Variants in ZNF730 observed in about 807,000 individuals in gnomAD.
ZNF730 encodes zinc finger protein 730.
ZNF730 carries 12 observed loss-of-function variants against 12.6 expected under a neutral mutation model. That is an observed-to-expected ratio of 0.95 (90% CI 0.61 to 1.54). The LOEUF is 1.54. Among genes scored for constraint, ZNF730 ranks in the 40% most tolerant of loss-of-function variants. The pLI, the probability that ZNF730 is intolerant of heterozygous loss-of-function variation, is 0.00. For synonymous variants in ZNF730, 194 were observed against 195.8 expected (o/e 0.99, Z 0.08); for missense variants, 643 against 583.5 (o/e 1.10, Z -1.05).
intron 1 of ZNF730, among the ~76,000 whole-genome samples, chr19:23,110,620 C>A (rs1231246853): frequency 1.3e-5 from 2 of 152,122 alleles, no homozygotes; most frequent in Non-Finnish European, 2.9e-5. Flanking sequence ...AGTTAATGGT[C>A]TAATTCTAAT....
chr19:23,079,997 G>A (rs143770497), intron 1 of ZNF730, among the ~76,000 whole-genome samples: 2 of 152,118 alleles, frequency 1.3e-5, no homozygotes, highest in Non-Finnish European at 2.9e-5. Flanking sequence ...CCAGGCTGGA[G>A]TGCAGTGGCG....
Position 23,146,484 on chromosome 19 carries a change from C to A in ZNF730, c.1440C>A (p.Tyr480Ter). 1.2e-6 allele frequency: 2 copies of A among 1,604,446 alleles called. No individual in the cohort carries two copies. The highest frequency in any genetic ancestry group is 1.7e-6 in the Non-Finnish European group (2 of 1,176,576). ...TAATTCATTCTGGGGAAAAAATCTA[C>A]AAATGTAAAGAATGTGGTAAAGCCT... Reference protein sequence around the residue: ...HKIIHSGEKIYKCKECGKAFR... With the variant: ...HKIIHSGEKI The change falls in exon 4 of 4, where the codon TAC (tyrosine) becomes TAA (stop). Residue 480 changes from tyrosine to a stop codon, truncating the protein, a stop_gained. Transcript: ENST00000597761. LOFTEE classifies it low-confidence loss of function (END_TRUNC).
chr19:23,105,118 C>CT (rs1007819236), intron 1 of ZNF730, among the ~76,000 whole-genome samples: 3,057 of 87,706 alleles, frequency 0.035, 105 homozygotes, highest in African/African-American at 0.077. Context: ...TTTTTCTTTT[C>CT]TTTTTTTTTT....
chr19:23,145,181 G>C (rs1970984052), intron 3 of ZNF730, 90 bp from the exon 4 acceptor site: 1 of 897,508 alleles, frequency 1.1e-6, no homozygotes, highest in Non-Finnish European at 1.6e-6. Flanking sequence ...ATGCTATCTT[G>C]TTATGTAGTT....
At chr19:23,082,957 C>T (rs940535212) in intron 1 of ZNF730, among the ~76,000 whole-genome samples, 4 of 152,088 alleles carry the variant, frequency 2.6e-5, no homozygotes, top group African/African-American at 9.7e-5. Flanking sequence ...CCTCAGGCTT[C>T]GAAAGTGCTG....
intron 1 of ZNF730, among the ~76,000 whole-genome samples, chr19:23,130,086 G>A (rs1156300211): frequency 2.0e-5 from 3 of 152,004 alleles, no homozygotes; most frequent in African/African-American, 7.2e-5. Context: ...GCCAGGGGTG[G>A]AATGATATGG....
At chr19:23,085,359 C>CT (rs1970040549) in intron 1 of ZNF730, among the ~76,000 whole-genome samples, 1 of 52,586 alleles carries the variant, frequency 1.9e-5, no homozygotes, top group Non-Finnish European at 3.6e-5. Flanking sequence ...TCTTTTTTTG[C>CT]TTTTTTTCTT....
chr19:23,110,673 T>C (rs1970451256), intron 1 of ZNF730, among the ~76,000 whole-genome samples: 2 of 152,150 alleles, frequency 1.3e-5, no homozygotes, highest in Non-Finnish European at 2.9e-5. Flanking sequence ...TTGTAAAATA[T>C]AGTGTCTTTA....
intron 1 of ZNF730, chr19:23,123,873 C>A (rs928387399): frequency 6.5e-6 from 1 of 153,866 alleles, no homozygotes; most frequent in African/African-American, 2.4e-5. Flanking sequence ...ATCCCATGGT[C>A]TCTGTGAATG....
At chr19:23,102,490 T>A (rs74798912) in intron 1 of ZNF730, among the ~76,000 whole-genome samples, 8 of 151,058 alleles carry the variant, frequency 5.3e-5, no homozygotes, top group Admixed American at 2.0e-4. Context: ...TTTTTTTTTT[T>A]ATTTTATTTA....
intron 1 of ZNF730, among the ~76,000 whole-genome samples, chr19:23,106,875 A>C (rs902201567): frequency 1.3e-5 from 2 of 152,036 alleles, no homozygotes; most frequent in African/African-American, 4.8e-5. Flanking sequence ...ATACTGCAAG[A>C]GTCAAAAACT....
intron 1 of ZNF730, chr19:23,098,352 CTCT>C (rs1435660730): frequency 6.6e-6 from 1 of 152,092 alleles, no homozygotes; most frequent in Non-Finnish European, 1.5e-5. Context: ...TATGTGAATC[CTCT>C]TCTTCCCAGA....
intron 1 of ZNF730, among the ~76,000 whole-genome samples, chr19:23,132,604 G>T (rs1174962645): frequency 1.3e-5 from 2 of 151,196 alleles, no homozygotes; most frequent in Admixed American, 6.6e-5. Flanking sequence ...TTCCCTTTGT[G>T]GCTGTTGAAC....
At chr19:23,102,489 T>A (rs981488458) in intron 1 of ZNF730, among the ~76,000 whole-genome samples, 2 of 151,736 alleles carry the variant, frequency 1.3e-5, no homozygotes, top group African/African-American at 4.8e-5. Flanking sequence ...TTTTTTTTTT[T>A]TATTTTATTT....
intron 1 of ZNF730, among the ~76,000 whole-genome samples, chr19:23,093,793 A>G (rs1442220800): frequency 1.3e-5 from 2 of 152,074 alleles, no homozygotes; most frequent in African/African-American, 4.8e-5. Context: ...TGATCAACAG[A>G]CGGGGTCAGG....
chr19:23,118,364 T>TTG (rs1970558629), intron 1 of ZNF730, among the ~76,000 whole-genome samples: 1 of 126,768 alleles, frequency 7.9e-6, no homozygotes, highest in Non-Finnish European at 1.6e-5. Context: ...AGTTTGTTTT[T>TTG]TGTTTTTTTT....
At chr19:23,123,751 T>C (rs1267917107) in intron 1 of ZNF730, 1 of 152,350 alleles carries the variant, frequency 6.6e-6, no homozygotes, top group African/African-American at 2.4e-5. Flanking sequence ...CTAATCTGAG[T>C]TTTTTCTTAA....
At chr19:23,122,497 T>C (rs1395185109) in intron 1 of ZNF730, among the ~76,000 whole-genome samples, 1 of 152,186 alleles carries the variant, frequency 6.6e-6, no homozygotes, top group Non-Finnish European at 1.5e-5. Flanking sequence ...TAAGATTAAA[T>C]TTAGCAACAC....
In ZNF730 at chr19:23,146,144, C is replaced by T. The variant is rs182133315; in HGVS notation, c.1100C>T (p.Pro367Leu). Residue 367 changes from proline to leucine, a missense_variant, in exon 4 of 4, where the codon CCC becomes CTC. By Grantham distance (98) the Pro-to-Leu change is moderately conservative. Transcript: ENST00000597761. ...AAGATAACTCATACTGGAGGGAAAC[C>T]CTACAAATATAAAGAATGTGGTAAA... is the stretch of plus-strand genomic sequence containing the variant. Reference protein sequence around the residue: ...RHKITHTGGKPYKYKECGKAF... With the variant: ...RHKITHTGGKLYKYKECGKAF... The T allele has an allele frequency of 4.6e-4, 740 of 1,607,656 alleles. 2 individuals carry two copies. The African/African-American group carries it at 6.7e-3, about 14-fold the overall frequency.
Sources: gnomAD v4.1 joint callset for allele counts (sites outside exome capture counted in the v4.1 genomes callset) on GRCh38, gnomAD v4.1.1 for gene constraint, MANE v1.5 for transcripts, NCBI Gene and HGNC (gene_info 2026-07-23, HGNC 2026-07-21) for gene names.